The following PRR16 variants were observed in gnomAD, a reference collection of about 807,000 sequenced individuals.
The protein encoded by PRR16 is proline rich 16.
A neutral mutation model predicts 18.2 loss-of-function variants in PRR16; 6 were observed. The observed-to-expected ratio is 0.33, with a 90% confidence interval of 0.18 to 0.65. The LOEUF (loss-of-function observed/expected upper bound fraction) is 0.65, where lower values mean the gene tolerates loss of function less well. Among genes scored for constraint, PRR16 ranks in the 30% least tolerant of loss-of-function variants. The pLI, the probability that PRR16 is intolerant of heterozygous loss-of-function variation, is 0.74. For missense variants in PRR16, 412 were observed against 376.6 expected (o/e 1.09, Z -0.78); for synonymous variants, 151 against 147.8 (o/e 1.02, Z -0.16).
chr5:120,755,287 A>G, the PRR16 span, among the ~76,000 whole-genome samples: 1 of 152,046 alleles, frequency 6.6e-6, no homozygotes, highest in African/African-American at 2.4e-5. Context: ...TCTTATGTGG[A>G]TATATTGCAA....
At chr5:120,615,441 G>A (rs73254075) in intron 1 of PRR16, among the ~76,000 whole-genome samples, 7,181 of 144,310 alleles carry the variant, frequency 0.05, 449 homozygotes, top group African/African-American at 0.15. Flanking sequence ...GGTGGATACA[G>A]AGATATGTAA....
chr5:120,634,480 C>T (rs948030080), intron 1 of PRR16, among the ~76,000 whole-genome samples: 1 of 152,044 alleles, frequency 6.6e-6, no homozygotes, highest in African/African-American at 2.4e-5. Flanking sequence ...GCCATCTCTA[C>T]TAAAATATAA....
At chr5:120,699,118 G>A in the PRR16 span, among the ~76,000 whole-genome samples, 74 of 152,064 alleles carry the variant, frequency 4.9e-4, no homozygotes, top group African/African-American at 1.8e-3. Flanking sequence ...TCCTGGGTGG[G>A]GGCAAATCCT....
chr5:120,479,158 C>T (rs950351247), intron 1 of PRR16, among the ~76,000 whole-genome samples: 1 of 152,110 alleles, frequency 6.6e-6, no homozygotes, highest in African/African-American at 2.4e-5. Context: ...ATGGGGCTTT[C>T]CTAACCTAAT....
the PRR16 span, among the ~76,000 whole-genome samples, chr5:120,783,582 ATTTTTAT>A: frequency 2.0e-5 from 3 of 152,092 alleles, no homozygotes; most frequent in African/African-American, 7.2e-5. Context: ...AATTGTTTTA[ATTTTTAT>A]GAGTACATAA....
the PRR16 span, among the ~76,000 whole-genome samples, chr5:120,733,613 G>A: frequency 5.9e-5 from 9 of 151,960 alleles, no homozygotes; most frequent in Admixed American, 3.9e-4. Flanking sequence ...AATCATGAAC[G>A]GCATTAAACC....
At chr5:120,765,465 G>A in the PRR16 span, among the ~76,000 whole-genome samples, 1 of 151,930 alleles carries the variant, frequency 6.6e-6, no homozygotes, top group Admixed American at 6.6e-5. Flanking sequence ...TCCAACTCTG[G>A]GGTAGTTTTT....
At chr5:120,787,949 A>G in the PRR16 span, among the ~76,000 whole-genome samples, 109 of 151,996 alleles carry the variant, frequency 7.2e-4, 1 homozygote, top group African/African-American at 2.6e-3. Context: ...ATGCTATGCA[A>G]TATTAAAGGT....
At chr5:120,666,574 A>G (rs1232649329) in intron 1 of PRR16, among the ~76,000 whole-genome samples, 1 of 152,210 alleles carries the variant, frequency 6.6e-6, no homozygotes, top group South Asian at 2.1e-4. Flanking sequence ...TTGCCCATTC[A>G]GTATGATATT....
chr5:120,492,761 T>A (rs1417549210), intron 1 of PRR16, among the ~76,000 whole-genome samples: 1 of 152,106 alleles, frequency 6.6e-6, no homozygotes, highest in Non-Finnish European at 1.5e-5. Flanking sequence ...CTCTATATGT[T>A]TTGGGGTCCT....
At chr5:120,695,885 C>T in the PRR16 span, among the ~76,000 whole-genome samples, 1 of 151,332 alleles carries the variant, frequency 6.6e-6, no homozygotes, top group Non-Finnish European at 1.5e-5. Flanking sequence ...TTATCTGAAT[C>T]TTATCATAAC....
At chr5:120,592,440 A>G (rs1753667162) in intron 1 of PRR16, among the ~76,000 whole-genome samples, 1 of 152,252 alleles carries the variant, frequency 6.6e-6, no homozygotes, top group Middle Eastern at 3.4e-3. Context: ...TTGATTTGAC[A>G]GATAGTGCTT....
the PRR16 span, among the ~76,000 whole-genome samples, chr5:120,746,254 G>A: frequency 4.6e-5 from 7 of 152,088 alleles, no homozygotes; most frequent in African/African-American, 1.4e-4. Context: ...ATTGAATTTG[G>A]CATAAAGCTA....
chr5:120,616,460 T>C (rs1212080487), intron 1 of PRR16, among the ~76,000 whole-genome samples: 1 of 152,184 alleles, frequency 6.6e-6, no homozygotes, highest in Non-Finnish European at 1.5e-5. Flanking sequence ...TAGTGTAGTC[T>C]TTAGTTCCCA....
the PRR16 span, among the ~76,000 whole-genome samples, chr5:120,763,296 C>A: frequency 6.6e-6 from 1 of 151,914 alleles, no homozygotes; most frequent in Non-Finnish European, 1.5e-5. Flanking sequence ...GGTGCATAAT[C>A]CACCACGTCT....
chr5:120,662,860 G>A (rs997094241), intron 1 of PRR16, among the ~76,000 whole-genome samples: 1 of 152,052 alleles, frequency 6.6e-6, no homozygotes, highest in African/African-American at 2.4e-5. Context: ...CAGGAATAGG[G>A]GTGGAGGACA....
chr5:120,584,272 T>C (rs181840411), intron 1 of PRR16, among the ~76,000 whole-genome samples: 1 of 152,304 alleles, frequency 6.6e-6, no homozygotes, highest in Non-Finnish European at 1.5e-5. Flanking sequence ...TAAAATGCCT[T>C]TGTTTTCTTG....
At chr5:120,594,910 AAAATTG>A (rs371828233) in intron 1 of PRR16, among the ~76,000 whole-genome samples, 3 of 151,884 alleles carry the variant, frequency 2.0e-5, no homozygotes, top group African/African-American at 7.3e-5. Context: ...CCATATGCAG[AAAATTG>A]AAACTGGACC....
intron 1 of PRR16, among the ~76,000 whole-genome samples, chr5:120,641,170 C>T (rs1478650232): frequency 2.0e-5 from 3 of 152,100 alleles, no homozygotes; most frequent in Non-Finnish European, 1.5e-5. Context: ...ATATGACTTG[C>T]CTTCTTTGTA....
Sources: gnomAD v4.1 joint callset for allele counts (sites outside exome capture counted in the v4.1 genomes callset) on GRCh38, gnomAD v4.1.1 for gene constraint, MANE v1.5 for transcripts, NCBI Gene and HGNC (gene_info 2026-07-23, HGNC 2026-07-21) for gene names.